The following RAB11FIP4 variants were observed in gnomAD, a reference collection of about 807,000 sequenced individuals.
RAB11FIP4 encodes rab11 family-interacting protein 4.
In RAB11FIP4, 23 loss-of-function variants were observed where a neutral mutation model predicts 74.3. The observed-to-expected ratio is 0.31, with a 90% CI of 0.22 to 0.44. The LOEUF (loss-of-function observed/expected upper bound fraction) is 0.44. Among genes scored for constraint, RAB11FIP4 ranks in the 20% least tolerant of loss-of-function variants. The pLI is 1.00. For missense variants in RAB11FIP4, 630 were observed against 863.9 expected, an observed-to-expected ratio of 0.73 and a Z score of 3.39; for synonymous variants, 360 against 359.9, an observed-to-expected ratio of 1.00 and a Z score of 0.00.
intron 1 of RAB11FIP4, among the ~76,000 whole-genome samples, chr17:31,415,332 C>A (rs778324332): frequency 6.6e-6 from 1 of 152,148 alleles, no homozygotes; most frequent in African/African-American, 2.4e-5. Context: ...AATCTGCCTC[C>A]GTTCTTGTCA....
At chr17:31,515,293 C>T (rs1187593100) in intron 3 of RAB11FIP4, among the ~76,000 whole-genome samples, 1 of 151,790 alleles carries the variant, frequency 6.6e-6, no homozygotes, top group Non-Finnish European at 1.5e-5. Flanking sequence ...AGATTAATGA[C>T]ATGTGGGTGG....
rs544116414 is a variant in RAB11FIP4, at chr17:31,429,696, G to A, written c.160-2117G>A. On this transcript the variant is annotated intron_variant, in intron 1 of 14. Coordinates refer to ENST00000621161, the MANE Select transcript of RAB11FIP4 (RefSeq NM_032932.6). The stretch of plus-strand genomic sequence containing the variant: ...ACAAAAATTACCTGGGCATGTTGGC[G>A]GGCGCCTGTAATCCCAGCTACTCAG... Among the ~76,000 whole-genome samples the A allele has an allele frequency of 2.0e-5, 3 of 152,210 alleles. No homozygotes were observed. In the South Asian group the frequency reaches 6.2e-4, roughly 32 times the overall value.
intron 13 of RAB11FIP4, among the ~76,000 whole-genome samples, chr17:31,529,254 T>C (rs2072825932): frequency 6.6e-6 from 1 of 151,998 alleles, no homozygotes; most frequent in South Asian, 2.1e-4. Context: ...CACACCACCA[T>C]GCCCAGCTAA....
chr17:31,517,196 G>A (rs1334413880), intron 3 of RAB11FIP4, among the ~76,000 whole-genome samples: 1 of 132,544 alleles, frequency 7.5e-6, no homozygotes, highest in Non-Finnish European at 1.7e-5. Flanking sequence ...CGGTGCGGGG[G>A]GGGGGGCGGT....
chr17:31,473,519 C>T (rs994614967), intron 3 of RAB11FIP4, among the ~76,000 whole-genome samples: 5 of 152,092 alleles, frequency 3.3e-5, no homozygotes, highest in African/African-American at 7.2e-5. Flanking sequence ...TCAGCCTGGG[C>T]GACAGAGTGA....
At chr17:31,466,957 G>C (rs1381965520) in intron 3 of RAB11FIP4, among the ~76,000 whole-genome samples, 1 of 152,038 alleles carries the variant, frequency 6.6e-6, no homozygotes, top group Non-Finnish European at 1.5e-5. Context: ...TCTGCATTTT[G>C]GTTTAAAGGA....
chr17:31,454,930 G>T (rs1017170096), intron 3 of RAB11FIP4, among the ~76,000 whole-genome samples: 4 of 152,110 alleles, frequency 2.6e-5, no homozygotes, highest in African/African-American at 9.7e-5. Flanking sequence ...AGGCAGTGGA[G>T]GTGCCAGGTG....
chr17:31,522,200 G>A, intron 6 of RAB11FIP4, 151 bp downstream of exon 6: 1 of 1,313,200 alleles, frequency 7.6e-7, no homozygotes. Context: ...TTCTGCCACA[G>A]GAAATCAGGC....
Position 31,447,003 on chromosome 17 carries a change from AGGCGGGTGCCGT to A in RAB11FIP4, c.336+12885_336+12896del, listed in dbSNP as rs144130729. ...CCATATCTATTAATACAAAAAAGAC[AGGCGGGTGCCGT>A]GGCTCTCGCCTGTAATCCCAGTACT... On this transcript the variant is annotated intron_variant, in intron 3 of 14. Transcript: ENST00000621161. Among the ~76,000 whole-genome samples the A allele has an allele frequency of 6.8e-4, 103 of 152,126 alleles. 1 individual carries two copies. The East Asian group carries it at 0.019, about 29-fold the overall frequency.
At chr17:31,438,300 T>C (rs1318153159) in intron 3 of RAB11FIP4, among the ~76,000 whole-genome samples, 1 of 151,998 alleles carries the variant, frequency 6.6e-6, no homozygotes, top group East Asian at 1.9e-4. Flanking sequence ...CAGGCAGTAA[T>C]GTGAACCCTA....
intron 3 of RAB11FIP4, chr17:31,488,216 G>A: frequency 8.9e-7 from 1 of 1,128,358 alleles, no homozygotes; most frequent in Non-Finnish European, 1.1e-6. Context: ...GCTGGCTTCC[G>A]CGCCTCTGCC....
intron 3 of RAB11FIP4, among the ~76,000 whole-genome samples, chr17:31,457,517 C>T (rs1038204754): frequency 1.3e-5 from 2 of 152,158 alleles, no homozygotes; most frequent in Admixed American, 1.3e-4. Context: ...CCCCCTGGAA[C>T]TGGCTTCCTG....
At chr17:31,415,163 G>T (rs1010672170) in intron 1 of RAB11FIP4, among the ~76,000 whole-genome samples, 3 of 152,212 alleles carry the variant, frequency 2.0e-5, no homozygotes, top group Non-Finnish European at 1.5e-5. Context: ...CACTGGCAAG[G>T]GGGAAGAGCC....
At chr17:31,455,526 T>A (rs1423690549) in intron 3 of RAB11FIP4, among the ~76,000 whole-genome samples, 4 of 152,182 alleles carry the variant, frequency 2.6e-5, no homozygotes, top group Non-Finnish European at 4.4e-5. Context: ...CAGGGTGGCA[T>A]ATTTGGATCC....
chr17:31,486,695 T>C (rs1001404619), intron 3 of RAB11FIP4, among the ~76,000 whole-genome samples: 3 of 152,220 alleles, frequency 2.0e-5, no homozygotes, highest in Non-Finnish European at 2.9e-5. Context: ...CAGCAAGGCA[T>C]ACTTTCCGAG....
intron 6 of RAB11FIP4, 65 bp from the exon 7 acceptor site, chr17:31,522,295 T>C (rs1399536472): frequency 2.0e-6 from 3 of 1,533,720 alleles, no homozygotes; most frequent in East Asian, 4.5e-5. Flanking sequence ...GTCTTACAGC[T>C]AGGACAGAGT....
chr17:31,425,816 G>T (rs529926835), intron 1 of RAB11FIP4, among the ~76,000 whole-genome samples: 1 of 152,206 alleles, frequency 6.6e-6, no homozygotes, highest in Non-Finnish European at 1.5e-5. Flanking sequence ...GGAGCCCCAG[G>T]GCTGCCCAGC....
rs1189709769 is a variant in RAB11FIP4, at chr17:31,531,687, C to T, written c.1869C>T (p.Leu623=). Residue 623 remains leucine (L), a synonymous_variant, in exon 15 of 15, where the codon CTC becomes CTT. Coordinates refer to ENST00000621161, the MANE Select transcript of RAB11FIP4 (RefSeq NM_032932.6). ...RLRQYMDKII[L]AILDHNPSIL... The stretch of plus-strand genomic sequence containing the variant: ...GGCAGTACATGGACAAGATTATCCT[C>T]GCCATCCTGGACCACAATCCCTCCA... 19 of 1,614,070 alleles carry T rather than the reference C, an allele frequency of 1.2e-5. No homozygotes were observed. Among genetic ancestry groups the T allele is most frequent in the Admixed American group, 1.7e-5 (1 of 60,022 alleles).
At chr17:31,482,922 C>T (rs1335724608) in intron 3 of RAB11FIP4, among the ~76,000 whole-genome samples, 1 of 152,060 alleles carries the variant, frequency 6.6e-6, no homozygotes, top group Admixed American at 6.5e-5. Flanking sequence ...TGGCCGGGGG[C>T]AGTGGCTCAC....
Sources: gnomAD v4.1 joint callset for allele counts (sites outside exome capture counted in the v4.1 genomes callset) on GRCh38, gnomAD v4.1.1 for gene constraint, MANE v1.5 for transcripts, NCBI Gene and HGNC (gene_info 2026-07-23, HGNC 2026-07-21) for gene names.